Variants in CATSPERE observed in about 807,000 individuals in gnomAD.
The protein encoded by CATSPERE is cation channel sperm-associated auxiliary subunit epsilon.
CATSPERE carries 93 observed loss-of-function variants against 114.1 expected under a neutral mutation model. That is an observed-to-expected ratio of 0.81 (90% confidence interval 0.69 to 0.97). The LOEUF is 0.97. Ranked by LOEUF, CATSPERE falls within the 50% of genes least tolerant of loss-of-function variation. The pLI, the probability that CATSPERE is intolerant of heterozygous loss-of-function variation, is 0.00. For missense variants in CATSPERE, 1,058 were observed against 1,131.6 expected (o/e 0.93, Z 0.93); for synonymous variants, 341 against 384.1 (o/e 0.89, Z 1.31).
At chr1:244,480,438 C>A (rs934091226) in intron 5 of CATSPERE, among the ~76,000 whole-genome samples, 1 of 152,140 alleles carries the variant, frequency 6.6e-6, no homozygotes, top group South Asian at 2.1e-4. Flanking sequence ...ATACTTATTT[C>A]TTTGTATCCA....
chr1:244,580,559 A>C (rs1177053567), intron 11 of CATSPERE, among the ~76,000 whole-genome samples: 1 of 152,178 alleles, frequency 6.6e-6, no homozygotes, highest in Non-Finnish European at 1.5e-5. Context: ...ATAATTTAGC[A>C]AATTATTGTA....
At chr1:244,516,742 G>A (rs1460914678) in intron 7 of CATSPERE, among the ~76,000 whole-genome samples, 1 of 151,984 alleles carries the variant, frequency 6.6e-6, no homozygotes, top group Non-Finnish European at 1.5e-5. Context: ...GGCTAGCCTC[G>A]AACTCTTGAC....
At chr1:244,624,204 C>A (rs1174130144) in intron 20 of CATSPERE, among the ~76,000 whole-genome samples, 1 of 150,454 alleles carries the variant, frequency 6.6e-6, no homozygotes, top group African/African-American at 2.4e-5. Context: ...ATCTCCTGAC[C>A]TCGTGATCCG....
intron 9 of CATSPERE, among the ~76,000 whole-genome samples, chr1:244,553,602 T>TACACAC (rs67626437): frequency 0.07 from 6,462 of 91,870 alleles, 366 homozygotes; most frequent in East Asian, 0.14. Context: ...AAAAAAAAAA[T>TACACAC]ACACACACAC....
chr1:244,576,041 G>A (rs184253402), intron 11 of CATSPERE, among the ~76,000 whole-genome samples: 6 of 152,084 alleles, frequency 3.9e-5, no homozygotes, highest in African/African-American at 9.6e-5. Flanking sequence ...ACCACCCTGC[G>A]GCTTTCTTTC....
chr1:244,560,750 T>G lies in CATSPERE; in HGVS notation c.1112T>G (p.Leu371Ter). 2 of 1,614,034 alleles carry G rather than the reference T, an allele frequency of 1.2e-6. No homozygotes were observed. Among genetic ancestry groups the G allele is most frequent in the South Asian group, 2.2e-5 (2 of 91,062 alleles). Residue 371 changes from leucine (L) to a stop codon, truncating the protein, a stop_gained, in exon 10 of 22, where the codon TTA (leucine) becomes TGA (stop). Coordinates refer to ENST00000366534, the MANE Select transcript of CATSPERE (RefSeq NM_001130957.2). LOFTEE classifies it high-confidence loss of function. ...LGSILLKFARLVTTTELKNIL... is the reference protein window; with the variant it reads ...LGSILLKFAR ...TCCATTCTTCTTAAGTTTGCCAGAT[T>G]AGTAACTACCACAGAACTGAAAAAC...
At chr1:244,580,681 A>G (rs183954709) in intron 11 of CATSPERE, among the ~76,000 whole-genome samples, 18 of 152,260 alleles carry the variant, frequency 1.2e-4, no homozygotes, top group South Asian at 4.1e-4. Context: ...CAGGTTAAAC[A>G]TTAGTCTGAC....
At chr1:244,508,985 CAAA>C (rs56987777) in intron 7 of CATSPERE, among the ~76,000 whole-genome samples, 2 of 138,704 alleles carry the variant, frequency 1.4e-5, no homozygotes. Context: ...CTTCCCCCAC[CAAA>C]AAAAAAAAAA....
intron 6 of CATSPERE, among the ~76,000 whole-genome samples, chr1:244,491,064 G>A (rs1440525892): frequency 1.3e-5 from 2 of 152,074 alleles, no homozygotes; most frequent in East Asian, 1.9e-4. Flanking sequence ...AGGATACCCA[G>A]GAATTGAACT....
At chr1:244,517,024 G>T (rs1298496751) in intron 7 of CATSPERE, among the ~76,000 whole-genome samples, 1 of 152,022 alleles carries the variant, frequency 6.6e-6, no homozygotes, top group African/African-American at 2.4e-5. Context: ...AATTCACTCA[G>T]TGAAAAATTA....
intron 12 of CATSPERE, among the ~76,000 whole-genome samples, chr1:244,582,594 G>GGA (rs1666354643): frequency 6.6e-6 from 1 of 151,864 alleles, no homozygotes; most frequent in African/African-American, 2.4e-5. Context: ...TAGAGACATA[G>GGA]TTTCTCCATG....
At chr1:244,465,504 C>T (rs1289847487) in intron 2 of CATSPERE, among the ~76,000 whole-genome samples, 1 of 152,000 alleles carries the variant, frequency 6.6e-6, no homozygotes, top group African/African-American at 2.4e-5. Context: ...CATAATGAAC[C>T]AGAATCTATT....
intron 7 of CATSPERE, among the ~76,000 whole-genome samples, chr1:244,506,430 C>A (rs919809979): frequency 7.2e-5 from 11 of 152,130 alleles, no homozygotes; most frequent in Admixed American, 5.2e-4. Flanking sequence ...ACTGCTAGAT[C>A]CCATGGTAAT....
chr1:244,616,825 A>G (rs971711442), intron 19 of CATSPERE, among the ~76,000 whole-genome samples: 1 of 152,212 alleles, frequency 6.6e-6, no homozygotes, highest in Non-Finnish European at 1.5e-5. Flanking sequence ...GCTCAGACAC[A>G]TCCAAAGTAA....
intron 8 of CATSPERE, among the ~76,000 whole-genome samples, chr1:244,545,458 C>T (rs922541039): frequency 6.6e-6 from 1 of 152,214 alleles, no homozygotes; most frequent in Non-Finnish European, 1.5e-5. Flanking sequence ...GCAGACTGCT[C>T]TGCCACTTGG....
intron 5 of CATSPERE, among the ~76,000 whole-genome samples, chr1:244,480,743 C>T (rs116359568): frequency 0.011 from 1,662 of 146,730 alleles, 40 homozygotes; most frequent in African/African-American, 0.039. Context: ...ATTGTAAGTC[C>T]TAATAATACC....
chr1:244,452,307 C>T (rs74151394), upstream of CATSPERE, among the ~76,000 whole-genome samples: 1,417 of 152,370 alleles, frequency 9.3e-3, 31 homozygotes, highest in African/African-American at 0.033. Flanking sequence ...GCGGTGTATT[C>T]TGGGGCCACT....
intron 7 of CATSPERE, among the ~76,000 whole-genome samples, chr1:244,508,543 C>T (rs541289391): frequency 5.1e-4 from 77 of 151,766 alleles, no homozygotes; most frequent in African/African-American, 1.7e-3. Flanking sequence ...CCTTGTGATC[C>T]GCCCACCTTG....
intron 7 of CATSPERE, among the ~76,000 whole-genome samples, chr1:244,501,160 A>G (rs772135504): frequency 6.6e-6 from 1 of 152,150 alleles, no homozygotes. Flanking sequence ...TTATTGGTGT[A>G]TAGGGCATAT....
Sources: allele counts gnomAD v4.1 joint callset (sites outside exome capture counted in the v4.1 genomes callset), GRCh38; gene constraint gnomAD v4.1.1; transcripts MANE v1.5; gene names NCBI Gene and HGNC (gene_info 2026-07-23, HGNC 2026-07-21).